The following SESN2 variants were observed in gnomAD, a reference collection of about 807,000 sequenced individuals.
The protein encoded by SESN2 is sestrin-2.
SESN2 carries 42 observed loss-of-function variants against 56.0 expected under a neutral mutation model. The ratio of observed to expected loss-of-function variants is 0.75; its 90% CI spans 0.59 to 0.97. The LOEUF (loss-of-function observed/expected upper bound fraction) is 0.97, where lower values mean the gene tolerates loss of function less well. Ranked by LOEUF, SESN2 falls within the 50% of genes least tolerant of loss-of-function variation. The probability of loss-of-function intolerance (pLI) is 0.00; values close to 1 mark genes in which losing one functional copy is unlikely to be tolerated. For synonymous variants in SESN2, 264 were observed against 267.1 expected, an observed-to-expected ratio of 0.99 and a Z score of 0.11; for missense variants, 507 against 649.4, an observed-to-expected ratio of 0.78 and a Z score of 2.38.
At chr1:28,262,823 G>GT (rs1240810464) in intron 1 of SESN2, among the ~76,000 whole-genome samples, 1 of 151,048 alleles carries the variant, frequency 6.6e-6, no homozygotes, top group Non-Finnish European at 1.5e-5. Flanking sequence ...AGCTACTCCG[G>GT]AGGCTGAGGT....
Position 28,262,822 on chromosome 1 carries a change from G to A in SESN2, c.90+2885G>A, listed in dbSNP as rs186668848. Among the ~76,000 whole-genome samples, 6 of 152,078 alleles carry A rather than the reference G, an allele frequency of 3.9e-5. No individual in the cohort carries two copies. The East Asian group carries it at 9.7e-4, about 24-fold the overall frequency. On this transcript the variant is annotated intron_variant, in intron 1 of 9. Transcript: ENST00000253063. Reference sequence around the variant, plus strand: ...ACACGCCTGTACTCCCAGCTACTCCGGAGGCTGAGGTAGGAGAATTGCTTG... The same window carrying A: ...ACACGCCTGTACTCCCAGCTACTCCAGAGGCTGAGGTAGGAGAATTGCTTG...
intron 1 of SESN2, among the ~76,000 whole-genome samples, chr1:28,264,717 A>G (rs1647500001): frequency 6.6e-6 from 1 of 152,250 alleles, no homozygotes; most frequent in Admixed American, 6.5e-5. Flanking sequence ...CATTTGTCAC[A>G]TTTCAAATGC....
intron 9 of SESN2, among the ~76,000 whole-genome samples, chr1:28,279,896 C>T (rs555547166): frequency 5.3e-5 from 8 of 152,160 alleles, no homozygotes; most frequent in Non-Finnish European, 1.2e-4. Flanking sequence ...CTCTGTTGCC[C>T]AGGCTGGAGC....
In SESN2 at chr1:28,259,953, G is replaced by A. The variant is rs879709270; in HGVS notation, c.90+16G>A. On this transcript the variant is annotated intron_variant, in intron 1 of 9. Transcript: ENST00000253063. ...CCCCGGAGAGGTAAGCGGCGGCCGC[G>A]CGACGCCCCTCTTCCCTGGAACCCC... is the stretch of plus-strand genomic sequence containing the variant. The A allele has an allele frequency of 1.3e-6, 2 of 1,492,476 alleles. No individual in the cohort carries two copies. Among genetic ancestry groups the A allele is most frequent in the Admixed American group, 2.1e-5 (1 of 46,610 alleles). 92.5% of individuals were successfully genotyped at this position (1,492,476 alleles called of 1,614,324 possible).
At position 28,281,035 on chromosome 1, in the gene SESN2, C is replaced by T; in HGVS notation, c.*233C>T. The T allele has an allele frequency of 2.0e-6, 1 of 496,366 alleles. No homozygotes were observed. The highest frequency in any genetic ancestry group is 3.6e-6 in the Non-Finnish European group (1 of 276,618). The allele number at this position is 496,366 out of a possible 1,614,324, so 30.7% of individuals were successfully genotyped here. ...GGGAGCTGGAAGAGCACTTGGAGATCCTAAGGGACCACACCCTTCCTCCTT... is the reference window on the plus strand; with the variant it reads ...GGGAGCTGGAAGAGCACTTGGAGATTCTAAGGGACCACACCCTTCCTCCTT... On this transcript the variant is annotated 3_prime_UTR_variant, in exon 10 of 10. Coordinates refer to ENST00000253063, the MANE Select transcript of SESN2 (RefSeq NM_031459.5).
At chr1:28,274,010 G>A (rs1647921591) in intron 6 of SESN2, 30 bp from the exon 7 acceptor site, 1 of 1,421,238 alleles carries the variant, frequency 7.0e-7, no homozygotes, top group Non-Finnish European at 1.0e-6. Flanking sequence ...CCATGCCTCA[G>A]CCTCACTGTG....
intron 2 of SESN2, among the ~76,000 whole-genome samples, chr1:28,271,166 C>T (rs893796924): frequency 2.0e-5 from 3 of 152,196 alleles, no homozygotes; most frequent in Non-Finnish European, 2.9e-5. Context: ...TAGTATTCAC[C>T]TCACAGGCTT....
Position 28,281,641 on chromosome 1 carries a change from G to T in SESN2, c.*839G>T, listed in dbSNP as rs1440821691. Reference sequence around the variant, plus strand: ...ATTCTGTTCTCCCAGAGCTGCACCTGCCTCGCAGAGGCCAGCACCCCACTC... The same window carrying T: ...ATTCTGTTCTCCCAGAGCTGCACCTTCCTCGCAGAGGCCAGCACCCCACTC... On this transcript the variant is annotated 3_prime_UTR_variant, in exon 10 of 10. Transcript: ENST00000253063. 6.6e-6 allele frequency: 1 copy of T among 152,206 alleles called. No individual in the cohort carries two copies. Among genetic ancestry groups the T allele is most frequent in the Non-Finnish European group, 1.5e-5 (1 of 68,058 alleles). The allele number at this position is 152,206 out of a possible 1,614,324, so 9.4% of individuals were successfully genotyped here.
At chr1:28,278,270 G>A (rs531463833) in intron 8 of SESN2, among the ~76,000 whole-genome samples, 5 of 152,186 alleles carry the variant, frequency 3.3e-5, no homozygotes, top group Middle Eastern at 3.4e-3. Flanking sequence ...GCAGAGCTGG[G>A]TTTAAAACCC....
intron 1 of SESN2, among the ~76,000 whole-genome samples, 173 bp downstream of exon 1, chr1:28,260,110 C>G (rs1305104867): frequency 1.3e-5 from 2 of 149,890 alleles, no homozygotes; most frequent in African/African-American, 4.9e-5. Context: ...ACCCCTCCCC[C>G]ACTCTGTCTC....
chr1:28,269,495 T>C (rs1647680742), intron 2 of SESN2, among the ~76,000 whole-genome samples: 1 of 152,122 alleles, frequency 6.6e-6, no homozygotes, highest in Non-Finnish European at 1.5e-5. Flanking sequence ...TTTTTTTTTT[T>C]CATGCTCAAA....
At chr1:28,274,205 C>T in intron 7 of SESN2, 47 bp downstream of exon 7, 1 of 1,224,430 alleles carries the variant, frequency 8.2e-7, no homozygotes, top group South Asian at 1.2e-5. Context: ...CATTTACGAA[C>T]AAGCAGTGGG....
At position 28,280,949 on chromosome 1, in the gene SESN2, C is replaced by G; in HGVS notation, c.*147C>G. The G allele has an allele frequency of 1.6e-6, 1 of 634,282 alleles. No homozygotes were observed. Among genetic ancestry groups the G allele is most frequent in the Non-Finnish European group, 2.8e-6 (1 of 351,620 alleles). The allele number at this position is 634,282 out of a possible 1,614,324, so 39.3% of individuals were successfully genotyped here. A position where few individuals can be genotyped will look rare whatever the true frequency, so the allele number is the denominator to read the frequency against. ...TGTGCAGTCCCGAAGCCACACCCTC[C>G]CTTTTCCTCACTGGAATGGACAGTT... On this transcript the variant is annotated 3_prime_UTR_variant, in exon 10 of 10. Coordinates refer to ENST00000253063, the MANE Select transcript of SESN2 (RefSeq NM_031459.5).
chr1:28,276,429 T>C (rs1648042033), intron 8 of SESN2, among the ~76,000 whole-genome samples: 1 of 150,282 alleles, frequency 6.7e-6, no homozygotes, highest in Non-Finnish European at 1.5e-5. Context: ...TAGTGAGCCA[T>C]GAATGCACCA....
Position 28,259,839 on chromosome 1 carries a change from G to A in SESN2, c.-9G>A, listed in dbSNP as rs1283221371. ...GTCGGCGAGCCGCGACCGGGTCCTG[G>A]CGCGCACCATGATCGTGGCGGACTC... is the stretch of plus-strand genomic sequence containing the variant. On this transcript the variant is annotated 5_prime_UTR_variant, in exon 1 of 10. Transcript: ENST00000253063. 3 of 1,380,512 alleles carry A rather than the reference G, an allele frequency of 2.2e-6. No individual in the cohort carries two copies. The highest frequency in any genetic ancestry group is 2.8e-6 in the Non-Finnish European group (3 of 1,067,672). 85.5% of individuals were successfully genotyped at this position (1,380,512 alleles called of 1,614,324 possible).
At chr1:28,272,527 G>C in intron 4 of SESN2, 54 bp from the exon 5 acceptor site, 1 of 1,608,012 alleles carries the variant, frequency 6.2e-7, no homozygotes, top group Non-Finnish European at 8.5e-7. Context: ...GTGCCTGGTG[G>C]GTAACCCAGG....
At position 28,280,873 on chromosome 1, in the gene SESN2, C is replaced by A; in HGVS notation, c.*71C>A. On this transcript the variant is annotated 3_prime_UTR_variant, in exon 10 of 10. Coordinates refer to ENST00000253063, the MANE Select transcript of SESN2 (RefSeq NM_031459.5). ...CTCTGTCTGGAGACAGCCCCAGACC[C>A]TTTTGTGTCCCATGCCCACCCTCCC... is the stretch of plus-strand genomic sequence containing the variant. 8.2e-7 allele frequency: 1 copy of A among 1,219,118 alleles called. No individual in the cohort carries two copies. 75.5% of individuals were successfully genotyped at this position (1,219,118 alleles called of 1,614,324 possible).
At chr1:28,274,249 C>T (rs1211855522) in intron 7 of SESN2, 91 bp downstream of exon 7, 5 of 868,642 alleles carry the variant, frequency 5.8e-6, no homozygotes, top group Non-Finnish European at 9.6e-6. Flanking sequence ...GTTAGGTACC[C>T]AGCTGGGCAT....
chr1:28,261,487 T>C (rs1647373836), intron 1 of SESN2, among the ~76,000 whole-genome samples: 1 of 152,202 alleles, frequency 6.6e-6, no homozygotes, highest in Non-Finnish European at 1.5e-5. Flanking sequence ...AAGGGATTGT[T>C]GGGAGAATTA....
Sources: gnomAD v4.1 joint callset for allele counts (sites outside exome capture counted in the v4.1 genomes callset) on GRCh38, gnomAD v4.1.1 for gene constraint, MANE v1.5 for transcripts, NCBI Gene and HGNC (gene_info 2026-07-23, HGNC 2026-07-21) for gene names.